The following FAM193A variants were observed in gnomAD, a reference collection of about 807,000 sequenced individuals.
The protein encoded by FAM193A is protein FAM193A.
FAM193A carries 22 observed loss-of-function variants against 126.5 expected under a neutral mutation model. The observed-to-expected ratio is 0.17, with a 90% CI of 0.12 to 0.25. FAM193A has a LOEUF of 0.25. FAM193A is among the 10% of genes least tolerant of loss of function. The pLI, the probability that FAM193A is intolerant of heterozygous loss-of-function variation, is 1.00. For synonymous variants in FAM193A, 761 were observed against 646.8 expected (o/e 1.18, Z -2.68); for missense variants, 1,675 against 1,672.8 (o/e 1.00, Z -0.02).
chr4:2,535,784 G>A (rs1407546422), upstream of FAM193A, among the ~76,000 whole-genome samples: 1 of 152,206 alleles, frequency 6.6e-6, no homozygotes, highest in African/African-American at 2.4e-5. Flanking sequence ...GCAAGGCACC[G>A]GGACCACTGG....
At chr4:2,685,297 T>A (rs116100149) in intron 13 of FAM193A, among the ~76,000 whole-genome samples, 1 of 152,212 alleles carries the variant, frequency 6.6e-6, no homozygotes, top group Non-Finnish European at 1.5e-5. Context: ...ACACTCCCTC[T>A]CTGGGTTACT....
chr4:2,681,643 C>T (rs1360473114), intron 13 of FAM193A, among the ~76,000 whole-genome samples: 2 of 151,764 alleles, frequency 1.3e-5, no homozygotes, highest in Admixed American at 6.6e-5. Context: ...TATTTATTTA[C>T]GTAGGGACGG....
chr4:2,593,856 A>G (rs1740701708), intron 1 of FAM193A, among the ~76,000 whole-genome samples: 1 of 151,430 alleles, frequency 6.6e-6, no homozygotes, highest in Non-Finnish European at 1.5e-5. Flanking sequence ...TATTGGGGTA[A>G]ATCAGTGTGC....
chr4:2,588,902 G>T (rs1202349542), intron 1 of FAM193A, among the ~76,000 whole-genome samples: 1 of 152,088 alleles, frequency 6.6e-6, no homozygotes, highest in Non-Finnish European at 1.5e-5. Context: ...TTAAAGATTG[G>T]CAAAGAACGG....
chr4:2,731,139 T>C (rs1721329225), intron 20 of FAM193A, among the ~76,000 whole-genome samples: 1 of 138,656 alleles, frequency 7.2e-6, no homozygotes, highest in African/African-American at 2.8e-5. Context: ...GAGGCTTCAG[T>C]GAGCTGAGAT....
intron 2 of FAM193A, among the ~76,000 whole-genome samples, chr4:2,612,932 C>T (rs535590849): frequency 1.3e-5 from 2 of 152,286 alleles, no homozygotes; most frequent in East Asian, 1.9e-4. Flanking sequence ...ACTTTAGAGC[C>T]AACTTGTCAG....
At chr4:2,608,036 C>T (rs1020890925) in intron 2 of FAM193A, 149 of 1,606,408 alleles carry the variant, frequency 9.3e-5, no homozygotes, top group Middle Eastern at 1.8e-4. Flanking sequence ...ACTTCACGTC[C>T]GGGTGTGCAG....
intron 1 of FAM193A, among the ~76,000 whole-genome samples, chr4:2,572,215 G>C (rs1372619167): frequency 6.6e-6 from 1 of 150,482 alleles, no homozygotes; most frequent in African/African-American, 2.4e-5. Flanking sequence ...AGTAATCCCA[G>C]CTATTGGGGA....
At chr4:2,635,138 C>T (rs1018493288) in intron 5 of FAM193A, among the ~76,000 whole-genome samples, 3 of 152,042 alleles carry the variant, frequency 2.0e-5, no homozygotes, top group Middle Eastern at 3.2e-3. Flanking sequence ...AATTTCTTAC[C>T]GACTAATGCC....
intron 19 of FAM193A, chr4:2,715,584 C>A: frequency 3.3e-6 from 3 of 896,270 alleles, no homozygotes; most frequent in Non-Finnish European, 4.1e-6. Context: ...ACAGCCCTTT[C>A]CTTAACATGG....
intron 12 of FAM193A, among the ~76,000 whole-genome samples, chr4:2,664,762 A>G (rs1468002305): frequency 5.3e-5 from 8 of 151,494 alleles, no homozygotes; most frequent in Non-Finnish European, 4.4e-5. Context: ...ACGGGGTTTC[A>G]CTATATTGGC....
intron 1 of FAM193A, among the ~76,000 whole-genome samples, chr4:2,574,187 G>C (rs762095019): frequency 6.6e-6 from 1 of 152,002 alleles, no homozygotes; most frequent in Non-Finnish European, 1.5e-5. Context: ...TCAGTGTGGG[G>C]TGTCTGATGG....
chr4:2,575,808 C>A (rs1739553055), intron 1 of FAM193A, among the ~76,000 whole-genome samples: 1 of 152,096 alleles, frequency 6.6e-6, no homozygotes, highest in Admixed American at 6.6e-5. Flanking sequence ...TGCTCCCTGC[C>A]CTTCACGAGT....
At chr4:2,651,831 C>A (rs927063075) in intron 7 of FAM193A, among the ~76,000 whole-genome samples, 12 of 152,180 alleles carry the variant, frequency 7.9e-5, no homozygotes, top group African/African-American at 2.9e-4. Context: ...CCTGAGTCGT[C>A]AAGAAGTGAC....
At chr4:2,717,779 G>A (rs1034349547) in intron 20 of FAM193A, among the ~76,000 whole-genome samples, 4 of 149,368 alleles carry the variant, frequency 2.7e-5, no homozygotes, top group African/African-American at 4.9e-5. Flanking sequence ...AAAATTCCCC[G>A]AGTAGCTGGG....
At chr4:2,689,416 C>T in intron 13 of FAM193A, 90 bp from the exon 14 acceptor site, 2 of 913,314 alleles carry the variant, frequency 2.2e-6, no homozygotes, top group Non-Finnish European at 1.6e-6. Context: ...CCATGAGGCT[C>T]ATAATGAATT....
chr4:2,607,330 T>G (rs1406566634), intron 2 of FAM193A, among the ~76,000 whole-genome samples: 1 of 152,244 alleles, frequency 6.6e-6, no homozygotes, highest in African/African-American at 2.4e-5. Flanking sequence ...GCTGTCTTCG[T>G]CCTTGCATTG....
At chr4:2,580,528 T>C (rs1322055665) in intron 1 of FAM193A, among the ~76,000 whole-genome samples, 6 of 151,806 alleles carry the variant, frequency 4.0e-5, no homozygotes, top group African/African-American at 1.5e-4. Context: ...GGAGCTAGGG[T>C]CTGCTGGGAA....
chr4:2,672,293 C>T lies in FAM193A; in HGVS notation c.2252C>T (p.Pro751Leu). The T allele has an allele frequency of 6.2e-7, 1 of 1,614,170 alleles. No individual in the cohort carries two copies. The highest frequency in any genetic ancestry group is 8.5e-7 in the Non-Finnish European group (1 of 1,180,022). Residue 751 changes from proline to leucine, a missense_variant, in exon 13 of 21, where the codon CCT (proline) becomes CTT (leucine). Physicochemically the swap from Pro to Leu is moderately conservative, Grantham distance 98. Coordinates refer to ENST00000637812, the MANE Select transcript of FAM193A (RefSeq NM_001366318.2). ...HLYPHIHGHVPLHTVPHLPRP... is the reference protein window; with the variant it reads ...HLYPHIHGHVLLHTVPHLPRP... The stretch of plus-strand genomic sequence containing the variant: ...TACCCTCACATCCATGGACATGTGC[C>T]TTTGCACACTGTTCCACACCTGCCA...
Sources: gnomAD v4.1 joint callset for allele counts (sites outside exome capture counted in the v4.1 genomes callset) on GRCh38, gnomAD v4.1.1 for gene constraint, MANE v1.5 for transcripts, NCBI Gene and HGNC (gene_info 2026-07-23, HGNC 2026-07-21) for gene names.